Variants in RGS22 observed in about 807,000 individuals in gnomAD.
RGS22 encodes regulator of G protein signaling 22, also known as regulator of G-protein signaling 22.
RGS22 carries 148 observed loss-of-function variants against 172.9 expected under a neutral mutation model. The ratio of observed to expected loss-of-function variants is 0.86; its 90% CI spans 0.75 to 0.98. The LOEUF is 0.98. Among genes scored for constraint, RGS22 ranks in the 50% least tolerant of loss-of-function variants. RGS22 has a pLI of 0.00. For synonymous variants in RGS22, 458 were observed against 480.2 expected (o/e 0.95, Z 0.60); for missense variants, 1,347 against 1,440.8 (o/e 0.93, Z 1.05).
chr8:99,999,767 T>C (rs993855103), intron 18 of RGS22, among the ~76,000 whole-genome samples: 13 of 152,242 alleles, frequency 8.5e-5, no homozygotes, highest in Non-Finnish European at 1.5e-5. Context: ...ATTAGTCTAT[T>C]AGTTTTCTAA....
intron 1 of RGS22, 48 bp downstream of exon 1, chr8:100,105,849 C>A: frequency 6.8e-7 from 1 of 1,467,204 alleles, no homozygotes; most frequent in Admixed American, 2.3e-5. Context: ...CGTGGTGCGG[C>A]CCCGACGCCG....
chr8:100,077,105 A>G (rs1811411732), intron 4 of RGS22, among the ~76,000 whole-genome samples: 1 of 152,162 alleles, frequency 6.6e-6, no homozygotes, highest in South Asian at 2.1e-4. Flanking sequence ...TTGTAATGAC[A>G]TCCCCTTTTC....
rs772580442 is a variant in RGS22, at chr8:100,008,552, G to A, written c.2184C>T (p.Tyr728=). 22 of 1,608,464 alleles carry A rather than the reference G, an allele frequency of 1.4e-5. No homozygotes were observed. In the South Asian group the frequency reaches 1.9e-4, roughly 14 times the overall value. ...CKQAQYLFAT[Y]VAPSATLDIG... Reference sequence around the variant, plus strand: ...TGTCAAGAGTGGCAGAAGGAGCAACGTATGTGGCAAAAAGATACTGAAGGA... The same window carrying A: ...TGTCAAGAGTGGCAGAAGGAGCAACATATGTGGCAAAAAGATACTGAAGGA... The change falls in exon 15 of 28, where the codon TAC becomes TAT. Residue 728 remains tyrosine, a synonymous_variant. Transcript: ENST00000360863.
At chr8:100,022,743 A>T (rs904160094) in intron 14 of RGS22, among the ~76,000 whole-genome samples, 7 of 151,958 alleles carry the variant, frequency 4.6e-5, no homozygotes, top group Non-Finnish European at 8.8e-5. Context: ...AAATTAATTA[A>T]TTAATTTATT....
In RGS22 at chr8:99,995,155, T is replaced by C. The variant is rs978282778; in HGVS notation, c.3018+1307A>G. 2.6e-5 allele frequency among the ~76,000 whole-genome samples: 4 copies of C among 152,092 alleles called. 1 individual carries two copies. The highest frequency in any genetic ancestry group is 1.3e-4 in the Admixed American group (2 of 15,262). On this transcript the variant is annotated intron_variant, in intron 20 of 27. Transcript: ENST00000360863. ...GACTTAAATGTTAGACCTAAAACCA[T>C]AAAAACCCTAGAAGAAAACCTAGGC... is the stretch of plus-strand genomic sequence containing the variant.
Position 100,062,682 on chromosome 8 carries a change from A to G in RGS22, c.1423T>C (p.Ser475Pro), listed in dbSNP as rs774904357. Residue 475 changes from serine to proline, a missense_variant, in exon 9 of 28, where the codon TCA (serine) becomes CCA (proline). Coordinates refer to ENST00000360863, the MANE Select transcript of RGS22 (RefSeq NM_015668.5). ...GDYYLSAEILSKFKLLDGSQW... is the reference protein window; with the variant it reads ...GDYYLSAEILPKFKLLDGSQW... Reference sequence around the variant, plus strand: ...GATCCATCTAACAGTTTAAATTTTGATAAGATTTCTGCAGAAAGGTAGTAA... The same window carrying G: ...GATCCATCTAACAGTTTAAATTTTGGTAAGATTTCTGCAGAAAGGTAGTAA... 7.5e-6 allele frequency: 12 copies of G among 1,598,434 alleles called. No homozygotes were observed. The highest frequency in any genetic ancestry group is 2.3e-5 in the South Asian group (2 of 87,932).
chr8:100,071,668 G>C (rs954053642), intron 5 of RGS22, 131 bp from the exon 6 acceptor site: 3 of 559,422 alleles, frequency 5.4e-6, no homozygotes, highest in Non-Finnish European at 8.9e-6. Context: ...CTTTGGCTCT[G>C]CTAAAATTAA....
At chr8:99,994,814 C>T (rs1449415030) in intron 20 of RGS22, among the ~76,000 whole-genome samples, 1 of 152,138 alleles carries the variant, frequency 6.6e-6, no homozygotes, top group Non-Finnish European at 1.5e-5. Context: ...CCAAGACAAT[C>T]CTAAGCAAAA....
In RGS22 at chr8:100,000,044, G is replaced by A. The variant is rs117905584; in HGVS notation, c.2791-624C>T. 5.9e-3 allele frequency among the ~76,000 whole-genome samples: 899 copies of A among 152,226 alleles called. 5 individuals carry two copies. Among genetic ancestry groups the A allele is most frequent in the Non-Finnish European group, 7.4e-3 (502 of 68,006 alleles). On this transcript the variant is annotated intron_variant, in intron 18 of 27. Coordinates refer to ENST00000360863, the MANE Select transcript of RGS22 (RefSeq NM_015668.5). ...GCAACAGGAAACAGAAAAAGGTCAT[G>A]TTTTATAGATAATAAGTACCATTTG... is the stretch of plus-strand genomic sequence containing the variant.
At chr8:100,014,209 T>C (rs1816714067) in intron 14 of RGS22, among the ~76,000 whole-genome samples, 1 of 152,248 alleles carries the variant, frequency 6.6e-6, no homozygotes, top group Non-Finnish European at 1.5e-5. Flanking sequence ...TCAGGTGTGC[T>C]CGACCATGTT....
chr8:100,052,631 CT>C (rs1185716961), intron 10 of RGS22, among the ~76,000 whole-genome samples, 170 bp downstream of exon 10: 2 of 152,098 alleles, frequency 1.3e-5, no homozygotes, highest in African/African-American at 4.8e-5. Context: ...CTCACTTTGG[CT>C]GCTTGGTAGA....
chr8:100,016,667 C>A (rs969764772), intron 14 of RGS22, among the ~76,000 whole-genome samples: 2 of 152,028 alleles, frequency 1.3e-5, no homozygotes, highest in Non-Finnish European at 2.9e-5. Flanking sequence ...GTCCCAGCTG[C>A]TCAGGAGGCT....
chr8:100,003,046 C>T (rs529472273), intron 17 of RGS22: 107 of 161,248 alleles, frequency 6.6e-4, no homozygotes, highest in African/African-American at 2.4e-3. Context: ...CAGAGTGAGA[C>T]CTTGTCTCAA....
chr8:100,098,243 A>G lies in RGS22; in HGVS notation c.55-4734T>C, dbSNP rs73276937. Among the ~76,000 whole-genome samples, 805 of 152,348 alleles carry G rather than the reference A, an allele frequency of 5.3e-3. 13 individuals are homozygous for G. Among genetic ancestry groups the G allele is most frequent in the African/African-American group, 0.019 (777 of 41,580 alleles). The stretch of plus-strand genomic sequence containing the variant: ...TTTTAATTTCTCAATGCCTTTAGAT[A>G]GTAAATGTTTAGAACATTTTTACTG... On this transcript the variant is annotated intron_variant, in intron 2 of 27. Coordinates refer to ENST00000360863, the MANE Select transcript of RGS22 (RefSeq NM_015668.5).
chr8:100,079,747 CA>C (rs2131895296), intron 4 of RGS22, among the ~76,000 whole-genome samples: 1 of 152,188 alleles, frequency 6.6e-6, no homozygotes. Flanking sequence ...CAGAGCCACA[CA>C]ATGCAACTTG....
chr8:100,085,344 A>G (rs1415624155), intron 3 of RGS22, among the ~76,000 whole-genome samples: 2 of 152,160 alleles, frequency 1.3e-5, no homozygotes, highest in Non-Finnish European at 1.5e-5. Context: ...CCCAAATGAA[A>G]TGAAAAAGAC....
chr8:100,062,789 A>C, intron 8 of RGS22, 37 bp from the exon 9 acceptor site: 1 of 1,487,426 alleles, frequency 6.7e-7, no homozygotes, highest in Non-Finnish European at 9.2e-7. Context: ...ACACACACAC[A>C]TTGGTAGAAT....
At chr8:99,963,122 T>A in intron 24 of RGS22, 144 bp from the exon 25 acceptor site, 2 of 631,526 alleles carry the variant, frequency 3.2e-6, no homozygotes, top group Non-Finnish European at 5.0e-6. Context: ...CACAAGTTTA[T>A]AATGATATGA....
chr8:99,972,799 T>C (rs1477257676), intron 23 of RGS22, among the ~76,000 whole-genome samples: 1 of 152,018 alleles, frequency 6.6e-6, no homozygotes, highest in African/African-American at 2.4e-5. Context: ...TTTGGGAGGC[T>C]GAGAAGGGTG....
Sources: allele counts gnomAD v4.1 joint callset (sites outside exome capture counted in the v4.1 genomes callset), GRCh38; gene constraint gnomAD v4.1.1; transcripts MANE v1.5; gene names NCBI Gene and HGNC (gene_info 2026-07-23, HGNC 2026-07-21).